ABCA13: variants seen among roughly 807,000 people sequenced by gnomAD.
ABCA13 encodes the protein ATP-binding cassette sub-family A member 13.
A neutral mutation model predicts 478.7 loss-of-function variants in ABCA13; 476 were observed. That is an observed-to-expected ratio of 0.99 (90% CI 0.92 to 1.07). The LOEUF (loss-of-function observed/expected upper bound fraction) is 1.07. ABCA13 is among the 50% of genes least tolerant of loss of function. ABCA13 has a pLI of 0.00. For missense variants in ABCA13, 6,060 were observed against 5,910.6 expected, an observed-to-expected ratio of 1.03 and a Z score of -0.83; for synonymous variants, 2,252 against 2,158.9, an observed-to-expected ratio of 1.04 and a Z score of -1.20.
rs542241505 is a variant in ABCA13, at chr7:48,623,499, A to C, written c.14837+8122A>C. Among the ~76,000 whole-genome samples the C allele has an allele frequency of 2.0e-5, 3 of 152,310 alleles. No homozygotes were observed. The South Asian group carries it at 6.2e-4, about 32-fold the overall frequency. On this transcript the variant is annotated intron_variant, in intron 59 of 61. Coordinates refer to ENST00000435803, the MANE Select transcript of ABCA13 (RefSeq NM_152701.5). The stretch of plus-strand genomic sequence containing the variant: ...AGTCAAGAGCAGTTAATAACAGAAC[A>C]TCAACCACATTGACTTAACCATATT...
At chr7:48,247,927 A>C (rs534701794) in intron 13 of ABCA13, among the ~76,000 whole-genome samples, 30 of 152,296 alleles carry the variant, frequency 2.0e-4, no homozygotes, top group South Asian at 8.3e-4. Flanking sequence ...GGTGGTACTG[A>C]GAGTGAGACT....
At chr7:48,478,671 A>G (rs908833670) in intron 45 of ABCA13, among the ~76,000 whole-genome samples, 1 of 152,142 alleles carries the variant, frequency 6.6e-6, no homozygotes, top group Non-Finnish European at 1.5e-5. Context: ...CTTGGAACAG[A>G]CACTCTCTGT....
chr7:48,273,183 A>T lies in ABCA13; in HGVS notation c.3517A>T (p.Thr1173Ser). 1 of 1,613,714 alleles carries T rather than the reference A, an allele frequency of 6.2e-7. No homozygotes were observed. Among genetic ancestry groups the T allele is most frequent in the Non-Finnish European group, 8.5e-7 (1 of 1,179,752 alleles). The part of the protein sequence containing the change: ...QLFKFDMNVF[T>S]SLHHGFTQLL... ...ATTTAAGTTTGACATGAATGTTTTC[A>T]CATCTCTTCATCATGGTTTCACTCA... Residue 1173 changes from threonine (T) to serine (S), a missense_variant, in exon 17 of 62, where the codon ACA becomes TCA. By Grantham distance (58) the Thr-to-Ser change is moderately conservative (BLOSUM62 1). Coordinates refer to ENST00000435803, the MANE Select transcript of ABCA13 (RefSeq NM_152701.5).
At chr7:48,476,036 G>A (rs765347019) in intron 45 of ABCA13, among the ~76,000 whole-genome samples, 5 of 152,132 alleles carry the variant, frequency 3.3e-5, no homozygotes, top group African/African-American at 4.8e-5. Context: ...GTTTCTTGTC[G>A]CTGAGATAAT....
At chr7:48,516,375 A>T (rs1470747394) in intron 51 of ABCA13, among the ~76,000 whole-genome samples, 1 of 152,122 alleles carries the variant, frequency 6.6e-6, no homozygotes, top group Non-Finnish European at 1.5e-5. Flanking sequence ...CTCACTTTGG[A>T]CCTGGGAGTC....
intron 41 of ABCA13, among the ~76,000 whole-genome samples, chr7:48,420,208 C>A (rs977069422): frequency 6.6e-6 from 1 of 152,164 alleles, no homozygotes; most frequent in African/African-American, 2.4e-5. Flanking sequence ...TATTTTATTT[C>A]TAAACTGGAA....
intron 48 of ABCA13, among the ~76,000 whole-genome samples, chr7:48,491,927 G>T (rs948050276): frequency 1.3e-5 from 2 of 152,240 alleles, no homozygotes; most frequent in East Asian, 1.9e-4. Context: ...CTCAGCAGTC[G>T]CACAGCACCA....
At chr7:48,534,502 A>G (rs1833442354) in intron 55 of ABCA13, among the ~76,000 whole-genome samples, 1 of 152,008 alleles carries the variant, frequency 6.6e-6, no homozygotes, top group Admixed American at 6.6e-5. Context: ...ATCTTTTTTC[A>G]ATGAATTTCC....
chr7:48,503,817 A>G (rs1332723452), intron 48 of ABCA13, among the ~76,000 whole-genome samples: 1 of 152,106 alleles, frequency 6.6e-6, no homozygotes, highest in Non-Finnish European at 1.5e-5. Flanking sequence ...TACATCTAGA[A>G]ATGGGTTTGC....
At chr7:48,452,186 T>A (rs1377360625) in intron 42 of ABCA13, among the ~76,000 whole-genome samples, 1 of 152,232 alleles carries the variant, frequency 6.6e-6, no homozygotes, top group Non-Finnish European at 1.5e-5. Context: ...ACATTTACTA[T>A]GACTCCGGGT....
Position 48,514,247 on chromosome 7 carries a change from A to T in ABCA13, c.13641-2478A>T, listed in dbSNP as rs543398323. ...TGTGTTGTGCCAGGCCAACCACATC[A>T]TGTTCTCTGTGAGGTAGCTTTACCT... is the stretch of plus-strand genomic sequence containing the variant. On this transcript the variant is annotated intron_variant, in intron 51 of 61. Coordinates refer to ENST00000435803, the MANE Select transcript of ABCA13 (RefSeq NM_152701.5). Among the ~76,000 whole-genome samples, 14 of 152,282 alleles carry T rather than the reference A, an allele frequency of 9.2e-5. No homozygotes were observed. In the East Asian group the frequency reaches 2.7e-3, roughly 29 times the overall value.
At position 48,466,957 on chromosome 7, in the gene ABCA13, A is replaced by G. The variant is rs551673176; in HGVS notation, c.12817A>G (p.Ser4273Gly). Residue 4273 changes from serine (S) to glycine (G), a missense_variant and splice_region_variant, in exon 44 of 62, where the codon AGT becomes GGT. Physicochemically the swap from Ser to Gly is moderately conservative, Grantham distance 56 (BLOSUM62 0). Transcript: ENST00000435803. ...CCTTTGTCTCACAATGAACAGCAGC[A>G]GTGGGGGCGACAACTTGGACCTCAC... ...YQRAETYFFS[S>G]GGDNLDLTRV... 1.9e-6 allele frequency: 3 copies of G among 1,613,896 alleles called. No individual in the cohort carries two copies. In the African/African-American group the frequency reaches 4.0e-5, roughly 22 times the overall value.
chr7:48,251,231 A>G (rs1415417337), intron 15 of ABCA13, among the ~76,000 whole-genome samples: 1 of 152,162 alleles, frequency 6.6e-6, no homozygotes, highest in Non-Finnish European at 1.5e-5. Context: ...TGTCCTCATT[A>G]TCACTTATTA....
At chr7:48,389,503 T>C (rs1387383721) in intron 37 of ABCA13, among the ~76,000 whole-genome samples, 1 of 152,198 alleles carries the variant, frequency 6.6e-6, no homozygotes, top group Admixed American at 6.5e-5. Context: ...CTACAAATAA[T>C]TTACCATGTT....
intron 7 of ABCA13, 56 bp downstream of exon 7, chr7:48,230,011 A>C: frequency 6.4e-7 from 1 of 1,551,026 alleles, no homozygotes; most frequent in East Asian, 2.3e-5. Flanking sequence ...ACTTAAATTC[A>C]TTGACAGTTG....
At position 48,516,896 on chromosome 7, in the gene ABCA13, A is replaced by G; in HGVS notation, c.13797+15A>G. On this transcript the variant is annotated intron_variant, in intron 52 of 61. Transcript: ENST00000435803. ...CCAAAGCTAAGGTCAGTAGCTTTGTAGCATCACCTCTACACTTCTGCACCT... is the reference window on the plus strand; with the variant it reads ...CCAAAGCTAAGGTCAGTAGCTTTGTGGCATCACCTCTACACTTCTGCACCT... The G allele has an allele frequency of 1.2e-6, 2 of 1,612,494 alleles. No individual in the cohort carries two copies.
At chr7:48,338,595 C>A in intron 29 of ABCA13, 140 bp downstream of exon 29, 2 of 567,772 alleles carry the variant, frequency 3.5e-6, no homozygotes, top group Non-Finnish European at 5.9e-6. Flanking sequence ...ATTTTCTTAT[C>A]TGGATCCTGA....
At chr7:48,372,793 T>C (rs1017326738) in intron 33 of ABCA13, among the ~76,000 whole-genome samples, 1 of 152,190 alleles carries the variant, frequency 6.6e-6, no homozygotes, top group African/African-American at 2.4e-5. Context: ...TTCTCTTTCA[T>C]GCACAGAAAA....
rs200534229 is a variant in ABCA13 at position 48,310,046 on chromosome 7, G to T, written c.9421G>T (p.Ala3141Ser). Residue 3141 changes from alanine to serine, a missense_variant, in exon 24 of 62, where the codon GCA becomes TCA. Ala to Ser is a moderately conservative substitution (Grantham distance 99, BLOSUM62 1). This residue lies in a region of ABCA13 where 4,423 missense variants were observed against 4,309.1 expected (regional missense o/e 1.03). Transcript: ENST00000435803. ...TCCCAAAGGGGAAAAATCTTGGATC[G>T]CAGCGGAGGAACTCTGTAGCCTGCC... Reference protein sequence around the residue: ...TFPKGEKSWIAAEELCSLPGS... With the variant: ...TFPKGEKSWISAEELCSLPGS... The T allele has an allele frequency of 1.2e-5, 19 of 1,613,814 alleles. No homozygotes were observed. Among genetic ancestry groups the T allele is most frequent in the Non-Finnish European group, 1.5e-5 (18 of 1,179,836 alleles).
Sources: gnomAD v4.1 joint callset for allele counts (sites outside exome capture counted in the v4.1 genomes callset) on GRCh38, gnomAD v4.1.1 for gene constraint, gnomAD v4.1.1 regional missense constraint, MANE v1.5 for transcripts, NCBI Gene and HGNC (gene_info 2026-07-23, HGNC 2026-07-21) for gene names.